The following EFCAB12 variants were observed in gnomAD, a reference collection of about 807,000 sequenced individuals.
EFCAB12 encodes EF-hand calcium-binding domain-containing protein 12.
A neutral mutation model predicts 53.6 loss-of-function variants in EFCAB12; 43 were observed. The observed-to-expected ratio is 0.80, with a 90% CI of 0.63 to 1.03. The LOEUF is 1.03. Among genes scored for constraint, EFCAB12 ranks in the 50% least tolerant of loss-of-function variants. The pLI is 0.00. For synonymous variants in EFCAB12, 269 were observed against 289.2 expected (o/e 0.93, Z 0.71); for missense variants, 646 against 730.6 (o/e 0.88, Z 1.34).
chr3:129,419,945 A>G (rs528160954), intron 2 of EFCAB12, among the ~76,000 whole-genome samples: 35 of 152,310 alleles, frequency 2.3e-4, no homozygotes, highest in African/African-American at 7.9e-4. Context: ...AAATGATCCT[A>G]TGAATTAGGT....
intron 1 of EFCAB12, among the ~76,000 whole-genome samples, chr3:129,424,537 GT>G (rs1433210484): frequency 6.6e-6 from 1 of 152,174 alleles, no homozygotes; most frequent in African/African-American, 2.4e-5. Flanking sequence ...CATGTTTCCT[GT>G]ACAGCCTGAG....
At chr3:129,409,317 C>A (rs1360919045) in intron 5 of EFCAB12, among the ~76,000 whole-genome samples, 1 of 152,166 alleles carries the variant, frequency 6.6e-6, no homozygotes, top group Non-Finnish European at 1.5e-5. Context: ...GTGGCGCGCG[C>A]CTGTAGTCCC....
chr3:129,404,083 G>A lies in EFCAB12; in HGVS notation c.1403+167C>T, dbSNP rs1458118064. On this transcript the variant is annotated intron_variant, in intron 7 of 8. Coordinates refer to ENST00000505956, the MANE Select transcript of EFCAB12 (RefSeq NM_207307.3). ...CTGAGACATGCGCCAAGGGTGACCC[G>A]GGACTGGCCAGTCTGCAGTGAGCAG... is the stretch of plus-strand genomic sequence containing the variant. 8.4e-6 allele frequency: 7 copies of A among 828,476 alleles called. No homozygotes were observed. The East Asian group carries it at 1.1e-4, about 13-fold the overall frequency. The allele number at this position is 828,476 out of a possible 1,614,324, so 51.3% of individuals were successfully genotyped here.
chr3:129,401,690 G>A lies in EFCAB12; in HGVS notation c.1622C>T (p.Pro541Leu). The change falls in exon 9 of 9, where the codon CCA (proline) becomes CTA (leucine). Residue 541 changes from proline (P) to leucine (L), a missense_variant. Physicochemically the swap from Pro to Leu is moderately conservative, Grantham distance 98 (BLOSUM62 -3). Coordinates refer to ENST00000505956, the MANE Select transcript of EFCAB12 (RefSeq NM_207307.3). ...CCAGTGGTCAGGGTGGTAGGTGGCT[G>A]GGTAGACATGGGGCTGGTGTTGAAC... is the stretch of plus-strand genomic sequence containing the variant. ...SCVQHQPHVY[P>L]ATYHPDHWWP... 6.3e-7 allele frequency: 1 copy of A among 1,591,342 alleles called. No homozygotes were observed. Among genetic ancestry groups the A allele is most frequent in the Non-Finnish European group, 8.6e-7 (1 of 1,168,974 alleles).
intron 1 of EFCAB12, among the ~76,000 whole-genome samples, chr3:129,426,369 T>G (rs1358817860): frequency 2.4e-4 from 32 of 135,232 alleles, no homozygotes; most frequent in Middle Eastern, 3.6e-3. Context: ...GTTTTTTTTT[T>G]TTTTTTTTTT....
intron 1 of EFCAB12, among the ~76,000 whole-genome samples, chr3:129,423,877 C>G (rs949192032): frequency 6.6e-6 from 1 of 152,224 alleles, no homozygotes; most frequent in East Asian, 1.9e-4. Flanking sequence ...CCAACACACA[C>G]AAGCCATGCT....
rs182574163 is a variant in EFCAB12, at chr3:129,401,396, C to T, written c.*197G>A. ...GGGAGGGAAATAGTCAAAAACTGCA[C>T]GTCATTCCTTGGACACATCTACCCT... On this transcript the variant is annotated 3_prime_UTR_variant, in exon 9 of 9. Coordinates refer to ENST00000505956, the MANE Select transcript of EFCAB12 (RefSeq NM_207307.3). 15 of 647,060 alleles carry T rather than the reference C, an allele frequency of 2.3e-5. No individual in the cohort carries two copies. The highest frequency in any genetic ancestry group is 9.0e-5 in the East Asian group (3 of 33,200). The allele number at this position is 647,060 out of a possible 1,614,324, so 40.1% of individuals were successfully genotyped here.
At chr3:129,420,598 C>A (rs1011392212) in intron 2 of EFCAB12, among the ~76,000 whole-genome samples, 1 of 152,186 alleles carries the variant, frequency 6.6e-6, no homozygotes, top group African/African-American at 2.4e-5. Context: ...CTACATGGAA[C>A]CCTCAGCAAA....
At chr3:129,419,119 T>C (rs925638999) in intron 2 of EFCAB12, among the ~76,000 whole-genome samples, 1 of 152,248 alleles carries the variant, frequency 6.6e-6, no homozygotes, top group African/African-American at 2.4e-5. Context: ...GTGAACACCT[T>C]GTGCTATGGC....
chr3:129,404,130 T>C, intron 7 of EFCAB12, 120 bp downstream of exon 7: 1 of 1,365,144 alleles, frequency 7.3e-7, no homozygotes, highest in South Asian at 1.4e-5. Flanking sequence ...GATGTTGCCC[T>C]AGGATGCAGA....
chr3:129,412,428 GGATA>G (rs57766230), intron 4 of EFCAB12: 58,149 of 145,542 alleles, frequency 0.4, 12,572 homozygotes, highest in Non-Finnish European at 0.49. Flanking sequence ...GTAGATGGAT[GGATA>G]GATAGATAGA....
At chr3:129,412,576 G>A (rs9822119) in intron 4 of EFCAB12, 9,667 of 152,410 alleles carry the variant, frequency 0.063, 938 homozygotes, top group East Asian at 0.44. Flanking sequence ...AGGCCCTGCT[G>A]TACCATCTGG....
intron 1 of EFCAB12, among the ~76,000 whole-genome samples, chr3:129,422,142 T>G (rs188858517): frequency 6.6e-6 from 1 of 152,184 alleles, no homozygotes; most frequent in Non-Finnish European, 1.5e-5. Flanking sequence ...GAGCAGAGGC[T>G]TTGGGGCCAG....
chr3:129,427,736 G>A (rs1053086518), intron 1 of EFCAB12, among the ~76,000 whole-genome samples: 2 of 152,144 alleles, frequency 1.3e-5, no homozygotes, highest in Non-Finnish European at 1.5e-5. Context: ...TCAGTCTCAG[G>A]TCTTTTCTGA....
intron 1 of EFCAB12, among the ~76,000 whole-genome samples, chr3:129,423,947 C>T (rs1459520682): frequency 1.3e-5 from 2 of 152,212 alleles, no homozygotes; most frequent in Non-Finnish European, 2.9e-5. Context: ...CCCTGACTCA[C>T]CCTTTGAGAC....
At chr3:129,410,487 T>G (rs919666103) in intron 5 of EFCAB12, among the ~76,000 whole-genome samples, 2 of 152,120 alleles carry the variant, frequency 1.3e-5, no homozygotes, top group Non-Finnish European at 2.9e-5. Flanking sequence ...AGGCTAACTT[T>G]CTAAATTTTT....
chr3:129,428,580 A>G lies in EFCAB12; in HGVS notation c.-92T>C. ...GTAGGGGTACCGGGGTATCAGATAA[A>G]CCGTAACTCCAAGTCGTGCGAAAGG... is the stretch of plus-strand genomic sequence containing the variant. On this transcript the variant is annotated 5_prime_UTR_variant, in exon 1 of 9. Coordinates refer to ENST00000505956, the MANE Select transcript of EFCAB12 (RefSeq NM_207307.3). 2.0e-6 allele frequency: 3 copies of G among 1,466,416 alleles called. No homozygotes were observed. The highest frequency in any genetic ancestry group is 1.7e-4 in the Middle Eastern group (1 of 5,722). The allele number at this position is 1,466,416 out of a possible 1,614,324, so 90.8% of individuals were successfully genotyped here.
At chr3:129,409,037 T>G (rs770121700) in intron 5 of EFCAB12, among the ~76,000 whole-genome samples, 179 bp from the exon 6 acceptor site, 4 of 152,140 alleles carry the variant, frequency 2.6e-5, no homozygotes. Context: ...AGACTTCAGG[T>G]TCAGAAGCTC....
intron 1 of EFCAB12, among the ~76,000 whole-genome samples, chr3:129,426,369 T>TTG (rs201981047): frequency 1.5e-4 from 20 of 135,226 alleles, no homozygotes; most frequent in East Asian, 8.2e-4. Flanking sequence ...GTTTTTTTTT[T>TTG]TTTTTTTTTT....
Sources: gnomAD v4.1 joint callset for allele counts (sites outside exome capture counted in the v4.1 genomes callset) on GRCh38, gnomAD v4.1.1 for gene constraint, MANE v1.5 for transcripts, NCBI Gene and HGNC (gene_info 2026-07-23, HGNC 2026-07-21) for gene names.